Variants in SLC13A4 observed in about 807,000 individuals in gnomAD.
The protein encoded by SLC13A4 is Na(+)/sulfate cotransporter SUT-1.
In SLC13A4, 28 loss-of-function variants were observed where a neutral mutation model predicts 72.7. That is an observed-to-expected ratio of 0.39 (90% CI 0.29 to 0.53). The LOEUF is 0.53. Ranked by LOEUF, SLC13A4 falls within the 20% of genes least tolerant of loss-of-function variation. The probability of loss-of-function intolerance (pLI) is 0.78; values close to 1 mark genes in which losing one functional copy is unlikely to be tolerated. For missense variants in SLC13A4, 653 were observed against 788.0 expected, an observed-to-expected ratio of 0.83 and a Z score of 2.05; for synonymous variants, 312 against 325.5, an observed-to-expected ratio of 0.96 and a Z score of 0.45.
At position 135,685,810 on chromosome 7, in the gene SLC13A4, A is replaced by G. The variant is rs1795609666; in HGVS notation, c.1447-127T>C. The stretch of plus-strand genomic sequence containing the variant: ...CAGGGATCCTCTGATCTTTAGTCTG[A>G]CTGGAACCAGAGGTGTTCCTGATTT... On this transcript the variant is annotated intron_variant, in intron 13 of 15. Transcript: ENST00000682651. The G allele has an allele frequency of 1.2e-5, 10 of 823,602 alleles. No homozygotes were observed. In the Admixed American group the frequency reaches 2.4e-4, roughly 20 times the overall value. The allele number at this position is 823,602 out of a possible 1,614,324, so 51.0% of individuals were successfully genotyped here.
At position 135,691,583 on chromosome 7, in the gene SLC13A4, G is replaced by A; in HGVS notation, c.1286C>T (p.Pro429Leu). The change falls in exon 12 of 16, where the codon CCA (proline) becomes CTA (leucine). Residue 429 changes from proline (P) to leucine (L), a missense_variant. Coordinates refer to ENST00000682651, the MANE Select transcript of SLC13A4 (RefSeq NM_001318192.2). ...VFLGFLLFLI[P>L]AKKPCFGKKN... is the part of the protein sequence containing the mutation. ...TTTCCCAAAGCAGGGCTTCTTCGCTGGAATGAGGAAGAGGAGGAAGCCAAG... is the reference window on the plus strand; with the variant it reads ...TTTCCCAAAGCAGGGCTTCTTCGCTAGAATGAGGAAGAGGAGGAAGCCAAG... 6.2e-7 allele frequency: 1 copy of A among 1,613,872 alleles called. No homozygotes were observed. The highest frequency in any genetic ancestry group is 8.5e-7 in the Non-Finnish European group (1 of 1,179,742).
intron 3 of SLC13A4, among the ~76,000 whole-genome samples, chr7:135,707,124 T>A (rs3110799): frequency 0.61 from 93,315 of 152,044 alleles, 28,876 homozygotes; most frequent in East Asian, 0.87. Flanking sequence ...GCCAATTCTG[T>A]ACCTACACGG....
intron 10 of SLC13A4, among the ~76,000 whole-genome samples, chr7:135,693,916 G>T (rs1264670946): frequency 1.3e-5 from 2 of 152,172 alleles, no homozygotes; most frequent in Non-Finnish European, 2.9e-5. Flanking sequence ...CCATGCCATG[G>T]CTATACCCTG....
intron 10 of SLC13A4, among the ~76,000 whole-genome samples, chr7:135,693,852 T>C (rs930095293): frequency 5.3e-5 from 8 of 152,220 alleles, no homozygotes; most frequent in African/African-American, 1.9e-4. Flanking sequence ...AGAGGGTGGC[T>C]GTGCTGTCTT....
intron 6 of SLC13A4, 147 bp downstream of exon 6, chr7:135,702,698 C>T: frequency 1.3e-6 from 1 of 740,990 alleles, no homozygotes; most frequent in East Asian, 2.5e-5. Context: ...TTAATAATAA[C>T]ATTTTGTCAA....
intron 13 of SLC13A4, among the ~76,000 whole-genome samples, chr7:135,690,238 GT>G (rs1247811606): frequency 6.9e-6 from 1 of 145,062 alleles, no homozygotes; most frequent in Non-Finnish European, 1.5e-5. Context: ...GATAATGCAT[GT>G]AGATGAGATG....
At chr7:135,699,604 G>A in intron 7 of SLC13A4, 56 bp from the exon 8 acceptor site, 1 of 1,489,640 alleles carries the variant, frequency 6.7e-7, no homozygotes, top group Non-Finnish European at 9.1e-7. Context: ...TCTGGCCGAA[G>A]CATGAGAGGC....
rs776972484 is a variant in SLC13A4 at position 135,708,182 on chromosome 7, C to T, written c.297G>A (p.Val99=). The T allele has an allele frequency of 2.5e-6, 4 of 1,614,248 alleles. No homozygotes were observed. The highest frequency in any genetic ancestry group is 2.2e-5 in the East Asian group (1 of 44,888). The change falls in exon 3 of 16, where the codon GTG becomes GTA. Residue 99 remains valine (V), a synonymous_variant. Transcript: ENST00000682651. The part of the protein sequence containing the change: ...LVGVICVAAA[V]EKWNLHKRIA... ...TGCGCTTATGCAGGTTCCACTTCTCCACGGCAGCCGCCACGCAGATGACCC... is the reference window on the plus strand; with the variant it reads ...TGCGCTTATGCAGGTTCCACTTCTCTACGGCAGCCGCCACGCAGATGACCC...
chr7:135,685,750 T>A, intron 13 of SLC13A4, 67 bp from the exon 14 acceptor site: 1 of 1,449,862 alleles, frequency 6.9e-7, no homozygotes, highest in Non-Finnish European at 9.5e-7. Flanking sequence ...GATCTTAGAC[T>A]TCAGAAGGTC....
intron 2 of SLC13A4, among the ~76,000 whole-genome samples, chr7:135,712,036 CTGGTCTTAAACT>C (rs1796317616): frequency 8.2e-6 from 1 of 122,234 alleles, no homozygotes; most frequent in Non-Finnish European, 1.6e-5. Flanking sequence ...GTTGGCCAGG[CTGGTCTTAAACT>C]CCTGACCTCA....
At chr7:135,710,964 CTG>C (rs1048688889) in intron 2 of SLC13A4, among the ~76,000 whole-genome samples, 17 of 58,048 alleles carry the variant, frequency 2.9e-4, no homozygotes, top group Admixed American at 2.1e-3. Context: ...AGAGTCCACT[CTG>C]AGAGGGCGGT....
At chr7:135,717,623 C>A (rs541459755) in intron 2 of SLC13A4, among the ~76,000 whole-genome samples, 80 of 152,336 alleles carry the variant, frequency 5.3e-4, no homozygotes, top group South Asian at 1.0e-3. Context: ...TTGCACACAA[C>A]TCCTAATACC....
At chr7:135,715,819 C>A (rs574635797) in intron 2 of SLC13A4, among the ~76,000 whole-genome samples, 1 of 152,154 alleles carries the variant, frequency 6.6e-6, no homozygotes, top group Non-Finnish European at 1.5e-5. Flanking sequence ...GATATAATGA[C>A]GGTAAGTGAG....
chr7:135,716,448 G>C (rs1052522343), intron 2 of SLC13A4, among the ~76,000 whole-genome samples: 1 of 152,090 alleles, frequency 6.6e-6, no homozygotes, highest in South Asian at 2.1e-4. Flanking sequence ...GGGACTACAG[G>C]CATGCACCAC....
At chr7:135,702,984 C>A in intron 5 of SLC13A4, 100 bp from the exon 6 acceptor site, 2 of 820,158 alleles carry the variant, frequency 2.4e-6, no homozygotes, top group Non-Finnish European at 4.2e-6. Context: ...GACTTAAACT[C>A]TCTGGATTCC....
Position 135,727,640 on chromosome 7 carries a change from G to A in SLC13A4, c.-144C>T. 1 of 1,045,210 alleles carries A rather than the reference G, an allele frequency of 9.6e-7. No individual in the cohort carries two copies. The highest frequency in any genetic ancestry group is 1.3e-6 in the Non-Finnish European group (1 of 746,288). 64.7% of individuals were successfully genotyped at this position (1,045,210 alleles called of 1,614,324 possible). On this transcript the variant is annotated 5_prime_UTR_variant, in exon 1 of 16. Coordinates refer to ENST00000682651, the MANE Select transcript of SLC13A4 (RefSeq NM_001318192.2). ...CCTCCTTCGTCTTGGGGGCAGAACG[G>A]GAGGGCAGTTATACCCTCGCTGTTT... is the stretch of plus-strand genomic sequence containing the variant.
At chr7:135,717,490 C>T (rs941035518) in intron 2 of SLC13A4, among the ~76,000 whole-genome samples, 1 of 152,200 alleles carries the variant, frequency 6.6e-6, no homozygotes, top group Non-Finnish European at 1.5e-5. Context: ...CGAGGCATCA[C>T]TTCATAGGGC....
chr7:135,698,005 C>G (rs186720579), intron 8 of SLC13A4, among the ~76,000 whole-genome samples: 1 of 151,972 alleles, frequency 6.6e-6, no homozygotes, highest in African/African-American at 2.4e-5. Context: ...ACTTGATTTC[C>G]CCCTTTTTTT....
rs1487252030 is a variant in SLC13A4 at position 135,728,134 on chromosome 7, C to T, written c.-638G>A. On this transcript the variant is annotated 5_prime_UTR_variant, in exon 1 of 16. Coordinates refer to ENST00000682651, the MANE Select transcript of SLC13A4 (RefSeq NM_001318192.2). ...CTTAACTCTGTTCACATGTCTTTCC[C>T]TCAAATTGGTTCCCTACTTATAATT... 1 of 152,182 alleles carries T rather than the reference C, an allele frequency of 6.6e-6. No individual in the cohort carries two copies. Among genetic ancestry groups the T allele is most frequent in the Non-Finnish European group, 1.5e-5 (1 of 68,064 alleles). 9.4% of individuals were successfully genotyped at this position (152,182 alleles called of 1,614,324 possible). A position where few individuals can be genotyped will look rare whatever the true frequency, so the allele number is the denominator to read the frequency against.
Sources: allele counts gnomAD v4.1 joint callset (sites outside exome capture counted in the v4.1 genomes callset), GRCh38; gene constraint gnomAD v4.1.1; transcripts MANE v1.5; gene names NCBI Gene and HGNC (gene_info 2026-07-23, HGNC 2026-07-21).